The following CADPS variants were observed in gnomAD, a reference collection of about 807,000 sequenced individuals.
The protein encoded by CADPS is calcium-dependent secretion activator 1.
A neutral mutation model predicts 167.3 loss-of-function variants in CADPS; 57 were observed. The observed-to-expected ratio is 0.34, with a 90% CI of 0.28 to 0.42. CADPS has a LOEUF of 0.42. Among genes scored for constraint, CADPS ranks in the 20% least tolerant of loss-of-function variants. CADPS has a pLI of 1.00. For missense variants in CADPS, 1,414 were observed against 1,738.1 expected, an observed-to-expected ratio of 0.81 and a Z score of 3.32; for synonymous variants, 676 against 635.3, an observed-to-expected ratio of 1.06 and a Z score of -0.96.
chr3:62,806,396 G>T (rs2094102986), intron 1 of CADPS, among the ~76,000 whole-genome samples: 1 of 151,420 alleles, frequency 6.6e-6, no homozygotes, highest in Admixed American at 6.6e-5. Context: ...GCCGGGTGTG[G>T]TGGCATGCAA....
chr3:62,632,159 A>C (rs1004891350), intron 6 of CADPS, among the ~76,000 whole-genome samples: 18 of 152,230 alleles, frequency 1.2e-4, no homozygotes, highest in African/African-American at 4.3e-4. Context: ...GAGGTTATCT[A>C]TCATATGCAT....
chr3:62,531,952 A>G (rs997913904), intron 13 of CADPS, among the ~76,000 whole-genome samples: 1 of 152,142 alleles, frequency 6.6e-6, no homozygotes, highest in African/African-American at 2.4e-5. Flanking sequence ...GAGTCAGGAG[A>G]CTTGACGTTC....
At chr3:62,559,024 CAG>C (rs1446791530) in intron 9 of CADPS, among the ~76,000 whole-genome samples, 1 of 152,200 alleles carries the variant, frequency 6.6e-6, no homozygotes, top group Non-Finnish European at 1.5e-5. Flanking sequence ...CTGTAAGCCT[CAG>C]AGTCTTCATC....
chr3:62,611,176 C>G (rs1473044235), intron 6 of CADPS, among the ~76,000 whole-genome samples: 3 of 152,192 alleles, frequency 2.0e-5, no homozygotes, highest in African/African-American at 7.2e-5. Context: ...CATCCCAAAC[C>G]TACACTGGCT....
At chr3:62,428,945 C>CA (rs1288917802) in intron 28 of CADPS, among the ~76,000 whole-genome samples, 2 of 152,168 alleles carry the variant, frequency 1.3e-5, no homozygotes, top group Non-Finnish European at 1.5e-5. Context: ...TTATCTGACT[C>CA]AAAATGTCAG....
chr3:62,702,394 C>T (rs1039066186), intron 3 of CADPS, among the ~76,000 whole-genome samples: 3 of 152,118 alleles, frequency 2.0e-5, no homozygotes, highest in Non-Finnish European at 2.9e-5. Flanking sequence ...ATTCTAGGAA[C>T]TGAGCCTGTC....
In CADPS at chr3:62,772,347, T is replaced by C. The variant is rs138690774; in HGVS notation, c.442-6363A>G. ...TTTCGCTTGCTATTATGGGTGGCCA[T>C]GTAACAGATGCAGAAAACTACTGGG... On this transcript the variant is annotated intron_variant, in intron 1 of 29. Coordinates refer to ENST00000383710, the MANE Select transcript of CADPS (RefSeq NM_003716.4). Among the ~76,000 whole-genome samples the C allele has an allele frequency of 5.3e-3, 809 of 152,310 alleles. 6 individuals are homozygous for C. Among genetic ancestry groups the C allele is most frequent in the African/African-American group, 0.018 (768 of 41,568 alleles).
chr3:62,487,208 C>A (rs2062963501), intron 21 of CADPS, among the ~76,000 whole-genome samples: 1 of 152,182 alleles, frequency 6.6e-6, no homozygotes, highest in Non-Finnish European at 1.5e-5. Context: ...GACCATCTGT[C>A]AGGGAAAAGG....
At chr3:62,530,708 T>C (rs1224526167) in intron 13 of CADPS, 1 of 1,288,932 alleles carries the variant, frequency 7.8e-7, no homozygotes, top group Non-Finnish European at 1.0e-6. Flanking sequence ...TTTGGATTCC[T>C]TTTTGGTATC....
chr3:62,427,867 TA>T lies in CADPS; in HGVS notation c.3777+10236del, dbSNP rs113601116. Reference sequence around the variant, plus strand: ...ACTTTACATATTATTTGTTCTTTTCTAAAAAAAAAATCTTTTTTTCTACACA... The same window carrying T: ...ACTTTACATATTATTTGTTCTTTTCTAAAAAAAAATCTTTTTTTCTACACA... On this transcript the variant is annotated intron_variant, in intron 28 of 29. Coordinates refer to ENST00000383710, the MANE Select transcript of CADPS (RefSeq NM_003716.4). Among the ~76,000 whole-genome samples, 853 of 150,628 alleles carry T rather than the reference TA, an allele frequency of 5.7e-3. 8 individuals are homozygous for T. Among genetic ancestry groups the T allele is most frequent in the Middle Eastern group, 0.045 (13 of 290 alleles).
At chr3:62,499,048 C>T (rs2151273292) in intron 18 of CADPS, 114 bp downstream of exon 18, 3 of 590,286 alleles carry the variant, frequency 5.1e-6, no homozygotes, top group East Asian at 2.8e-5. Context: ...CTTTGCAATC[C>T]CAGTTAAAAG....
At chr3:62,610,605 C>T (rs761179681) in intron 6 of CADPS, among the ~76,000 whole-genome samples, 3 of 152,124 alleles carry the variant, frequency 2.0e-5, no homozygotes, top group South Asian at 2.1e-4. Flanking sequence ...TTCTTTGGTA[C>T]AGCTGGGTTG....
chr3:62,805,216 T>C (rs1055249330), intron 1 of CADPS, among the ~76,000 whole-genome samples: 3 of 152,184 alleles, frequency 2.0e-5, no homozygotes, highest in African/African-American at 7.2e-5. Flanking sequence ...TTGCCCCCAG[T>C]TGAGAACCGC....
chr3:62,821,069 G>A (rs543986612), intron 1 of CADPS, among the ~76,000 whole-genome samples: 1 of 152,112 alleles, frequency 6.6e-6, no homozygotes, highest in South Asian at 2.1e-4. Flanking sequence ...AAAGTGCTGG[G>A]ATTACAGGCG....
intron 28 of CADPS, among the ~76,000 whole-genome samples, chr3:62,408,018 A>T (rs2048244978): frequency 6.6e-6 from 1 of 152,176 alleles, no homozygotes. Context: ...TACAGGTGTG[A>T]GCCACTGCCC....
intron 1 of CADPS, among the ~76,000 whole-genome samples, chr3:62,870,393 C>G (rs947391416): frequency 6.6e-6 from 1 of 152,138 alleles, no homozygotes; most frequent in Non-Finnish European, 1.5e-5. Flanking sequence ...CTTGCGCTCT[C>G]TCTCACACAC....
At chr3:62,413,897 A>AC (rs5849475) in intron 28 of CADPS, among the ~76,000 whole-genome samples, 103,006 of 151,172 alleles carry the variant, frequency 0.68, 35,572 homozygotes, top group Admixed American at 0.73. Flanking sequence ...TTTAAAAAAA[A>AC]AAAAAAAAAT....
At chr3:62,556,495 G>A (rs1171261891) in intron 10 of CADPS, among the ~76,000 whole-genome samples, 1 of 152,066 alleles carries the variant, frequency 6.6e-6, no homozygotes, top group Non-Finnish European at 1.5e-5. Flanking sequence ...CAATATGGGA[G>A]TAGAAAAAAA....
intron 3 of CADPS, among the ~76,000 whole-genome samples, chr3:62,691,725 A>G (rs1366355822): frequency 6.6e-6 from 1 of 152,052 alleles, no homozygotes; most frequent in Admixed American, 6.6e-5. Flanking sequence ...CAGGAGCTGA[A>G]TGATGAGAAC....
Sources: allele counts gnomAD v4.1 joint callset (sites outside exome capture counted in the v4.1 genomes callset), GRCh38; gene constraint gnomAD v4.1.1; transcripts MANE v1.5; gene names NCBI Gene and HGNC (gene_info 2026-07-23, HGNC 2026-07-21).